SEPTIN12: variants seen among roughly 807,000 people sequenced by gnomAD.
SEPTIN12 encodes septin 12.
A neutral mutation model predicts 37.7 loss-of-function variants in SEPTIN12; 42 were observed. That is an observed-to-expected ratio of 1.11 (90% confidence interval 0.87 to 1.44). The LOEUF (loss-of-function observed/expected upper bound fraction) is 1.44, where lower values mean the gene tolerates loss of function less well. Among genes scored for constraint, SEPTIN12 ranks in the 40% most tolerant of loss-of-function variants. The pLI is 0.00. For synonymous variants in SEPTIN12, 254 were observed against 196.7 expected (o/e 1.29, Z -2.44); for missense variants, 613 against 479.2 (o/e 1.28, Z -2.61).
intron 7 of SEPTIN12, among the ~76,000 whole-genome samples, chr16:4,781,514 A>G (rs991708310): frequency 1.3e-5 from 2 of 151,962 alleles, no homozygotes; most frequent in African/African-American, 4.8e-5. Flanking sequence ...GCCTATGCCT[A>G]TTTGGGACAT....
chr16:4,791,661 C>T (rs527604917), upstream of SEPTIN12, among the ~76,000 whole-genome samples: 4 of 152,270 alleles, frequency 2.6e-5, no homozygotes, highest in African/African-American at 9.6e-5. Context: ...ACTGTCCTGC[C>T]TGGGACTGGG....
chr16:4,782,650 C>T (rs1282414088), intron 7 of SEPTIN12, among the ~76,000 whole-genome samples: 3 of 152,036 alleles, frequency 2.0e-5, no homozygotes, highest in Non-Finnish European at 4.4e-5. Context: ...GTTGCCCAGG[C>T]TGGGGTGCAG....
At chr16:4,782,464 C>T (rs1246867720) in intron 7 of SEPTIN12, among the ~76,000 whole-genome samples, 2 of 152,116 alleles carry the variant, frequency 1.3e-5, no homozygotes, top group Non-Finnish European at 1.5e-5. Flanking sequence ...TGGGTATACA[C>T]GTAGGAGTTC....
intron 7 of SEPTIN12, among the ~76,000 whole-genome samples, chr16:4,780,708 G>C (rs1387323462): frequency 6.6e-6 from 1 of 152,162 alleles, no homozygotes; most frequent in Non-Finnish European, 1.5e-5. Context: ...ATTGGGCGTG[G>C]TGGCTCACAC....
chr16:4,787,697 T>A (rs756874368), intron 1 of SEPTIN12, 30 bp from the exon 2 acceptor site: 2 of 930,182 alleles, frequency 2.2e-6, no homozygotes. Flanking sequence ...GAGAAGGGGG[T>A]CACTGGGGCT....
chr16:4,790,002 C>T (rs1037814560), upstream of SEPTIN12: 3 of 151,492 alleles, frequency 2.0e-5, no homozygotes, highest in African/African-American at 7.3e-5. Flanking sequence ...GCAGCCTCGA[C>T]TTCCTGGGTT....
In SEPTIN12 at chr16:4,785,789, A is replaced by AG. The variant is rs1567569330; in HGVS notation, c.374+17_374+18insC. ...GTGAAACTCTGCCTAAAAAAAAAAAAAAAGAGAGAGAACCTACCAGTTGTC... is the reference window on the plus strand; with the variant it reads ...GTGAAACTCTGCCTAAAAAAAAAAAAGAAAGAGAGAGAACCTACCAGTTGTC... On this transcript the variant is annotated intron_variant, in intron 4 of 9. Transcript: ENST00000268231. 3 of 1,557,778 alleles carry AG rather than the reference A, an allele frequency of 1.9e-6. No homozygotes were observed. In the African/African-American group the frequency reaches 4.4e-5, roughly 23 times the overall value.
chr16:4,779,700 GC>G lies in SEPTIN12; in HGVS notation c.812del (p.Gly271AlafsTer16). 8.1e-6 allele frequency: 13 copies of G among 1,610,170 alleles called. No homozygotes were observed. The highest frequency in any genetic ancestry group is 1.0e-5 in the Non-Finnish European group (12 of 1,176,528). Reference sequence around the variant, plus strand: ...GGGCCCCGCACTGACCTTCAATGATGCCCCACTTGGTCTTCCGGCCCAGGAC... The same window carrying G: ...GGGCCCCGCACTGACCTTCAATGATGCCCACTTGGTCTTCCGGCCCAGGAC... ...RCVLGRKTKW[G>X]IIEVENMAHC... is the part of the protein sequence containing the mutation. On this transcript the variant is annotated frameshift_variant, in exon 8 of 10. Transcript: ENST00000268231. LOFTEE classifies it high-confidence loss of function.
intron 7 of SEPTIN12, among the ~76,000 whole-genome samples, chr16:4,782,543 G>C (rs1289871951): frequency 1.3e-5 from 2 of 152,104 alleles, no homozygotes; most frequent in African/African-American, 4.8e-5. Flanking sequence ...TTCCAAAGTG[G>C]CTGAGCCATT....
At chr16:4,789,548 G>C (rs552771830), upstream of SEPTIN12, among the ~76,000 whole-genome samples, 40 of 152,168 alleles carry the variant, frequency 2.6e-4, no homozygotes, top group African/African-American at 8.4e-4. Context: ...GGATGGTCTC[G>C]ATCTCCTGAT....
upstream of SEPTIN12, chr16:4,789,903 TCTTTTC>T (rs1040863932): frequency 6.8e-6 from 1 of 147,266 alleles, no homozygotes; most frequent in African/African-American, 2.7e-5. Flanking sequence ...TTTTCTCCTT[TCTTTTC>T]TTTCTTTTTT....
intron 4 of SEPTIN12, chr16:4,784,359 G>A (rs2082410621): frequency 2.6e-6 from 1 of 391,208 alleles, no homozygotes; most frequent in Admixed American, 3.6e-5. Flanking sequence ...GCCACAGCTG[G>A]GCCCAAACCA....
rs146060866 is a variant in SEPTIN12, at chr16:4,783,771, C to T, written c.513-5G>A. On this transcript the variant is annotated splice_region_variant and splice_polypyrimidine_tract_variant and intron_variant, in intron 5 of 9. Coordinates refer to ENST00000268231, the MANE Select transcript of SEPTIN12 (RefSeq NM_144605.5). ...TCAATGTCCAGGGGCCGCAGGCTGC[C>T]GGAGGCAGGGCAGTGATGGGGGTGG... is the stretch of plus-strand genomic sequence containing the variant. 1.6e-4 allele frequency: 252 copies of T among 1,613,166 alleles called. 1 individual carries two copies. The African/African-American group carries it at 2.8e-3, about 18-fold the overall frequency.
At chr16:4,778,966 G>A (rs7195788) in intron 8 of SEPTIN12, among the ~76,000 whole-genome samples, 9,632 of 151,228 alleles carry the variant, frequency 0.064, 1,028 homozygotes, top group African/African-American at 0.22. Context: ...GTGAAACCCC[G>A]TCTCTCATAA....
intron 8 of SEPTIN12, among the ~76,000 whole-genome samples, chr16:4,779,221 T>C (rs1056276702): frequency 6.6e-6 from 1 of 151,178 alleles, no homozygotes; most frequent in Non-Finnish European, 1.5e-5. Flanking sequence ...CCTAGCTCCC[T>C]AAGGCAGTCT....
Position 4,785,790 on chromosome 16 carries a change from A to ATG in SEPTIN12, c.374+16_374+17insCA. On this transcript the variant is annotated intron_variant, in intron 4 of 9. Transcript: ENST00000268231. ...TGAAACTCTGCCTAAAAAAAAAAAA[A>ATG]AAGAGAGAGAACCTACCAGTTGTCA... 1 of 1,533,556 alleles carries ATG rather than the reference A, an allele frequency of 6.5e-7. No individual in the cohort carries two copies. Among genetic ancestry groups the ATG allele is most frequent in the Non-Finnish European group, 8.8e-7 (1 of 1,130,934 alleles). The allele number at this position is 1,533,556 out of a possible 1,614,324, so 95.0% of individuals were successfully genotyped here. A position where few individuals can be genotyped will look rare whatever the true frequency, so the allele number is the denominator to read the frequency against.
In SEPTIN12 at chr16:4,783,487, T is replaced by C. The variant is rs755003716; in HGVS notation, c.701A>G (p.Asp234Gly). The stretch of plus-strand genomic sequence containing the variant: ...CCGTAACTTGCTGTTGAGGATTTTG[T>C]CATTGATGTCCTCGTCAAAGCACAT... Reference protein sequence around the residue: ...PQMCFDEDINDKILNSKLRDR... With the variant: ...PQMCFDEDINGKILNSKLRDR... The change falls in exon 7 of 10, where the codon GAC (aspartate) becomes GGC (glycine). Residue 234 changes from aspartate to glycine, a missense_variant. By Grantham distance (94) the Asp-to-Gly change is moderately conservative (BLOSUM62 -1). Coordinates refer to ENST00000268231, the MANE Select transcript of SEPTIN12 (RefSeq NM_144605.5). The C allele has an allele frequency of 5.0e-6, 8 of 1,614,114 alleles. No individual in the cohort carries two copies. The East Asian group carries it at 1.8e-4, about 36-fold the overall frequency.
In SEPTIN12 at chr16:4,781,362, C is replaced by A. The variant is rs1051799689; in HGVS notation, c.727-1576G>T. ...TTTTTAGTATTTGACCAGGGTTATG[C>A]AACCATCATCGCAATCTAATTTCAC... On this transcript the variant is annotated intron_variant, in intron 7 of 9. Coordinates refer to ENST00000268231, the MANE Select transcript of SEPTIN12 (RefSeq NM_144605.5). Among the ~76,000 whole-genome samples, 28 of 151,898 alleles carry A rather than the reference C, an allele frequency of 1.8e-4. 1 individual carries two copies. Among genetic ancestry groups the A allele is most frequent in the African/African-American group, 6.5e-4 (27 of 41,370 alleles).
chr16:4,782,898 C>T (rs1270810910), intron 7 of SEPTIN12, among the ~76,000 whole-genome samples: 1 of 151,528 alleles, frequency 6.6e-6, no homozygotes, highest in East Asian at 1.9e-4. Context: ...AGCCACTGCG[C>T]CCGGCCAACA....
Sources: allele counts gnomAD v4.1 joint callset (sites outside exome capture counted in the v4.1 genomes callset), GRCh38; gene constraint gnomAD v4.1.1; transcripts MANE v1.5; gene names NCBI Gene and HGNC (gene_info 2026-07-23, HGNC 2026-07-21).